TEKT4: variants seen among roughly 807,000 people sequenced by gnomAD.
The protein encoded by TEKT4 is tektin-4.
In TEKT4, 46 loss-of-function variants were observed where a neutral mutation model predicts 46.0. The observed-to-expected ratio is 1.00, with a 90% confidence interval of 0.79 to 1.28. TEKT4 has a LOEUF of 1.28. Among genes scored for constraint, TEKT4 ranks in the 50% most tolerant of loss-of-function variants. The pLI is 0.00. For missense variants in TEKT4, 790 were observed against 622.9 expected (o/e 1.27, Z -2.85); for synonymous variants, 325 against 265.8 (o/e 1.22, Z -2.17).
At chr2:94,875,858 G>A (rs1490653755) in intron 5 of TEKT4, 116 bp downstream of exon 5, 3 of 1,103,578 alleles carry the variant, frequency 2.7e-6, no homozygotes, top group South Asian at 1.5e-5. Context: ...TGCTGAGAGG[G>A]GAGGGAGACT....
Position 94,873,843 on chromosome 2 carries a change from CG to C in TEKT4, c.570-119del, listed in dbSNP as rs1680694427. The C allele has an allele frequency of 1.8e-5, 26 of 1,410,536 alleles. No individual in the cohort carries two copies. In the South Asian group the frequency reaches 3.4e-4, roughly 18 times the overall value. 87.4% of individuals were successfully genotyped at this position (1,410,536 alleles called of 1,614,324 possible). On this transcript the variant is annotated intron_variant, in intron 2 of 5. Coordinates refer to ENST00000295201, the MANE Select transcript of TEKT4 (RefSeq NM_144705.4). Reference sequence around the variant, plus strand: ...GTCACTGCTGAGCACGAGGGCTGCCCGGGACAGGCCCACCCAGAACTCCCTC... The same window carrying C: ...GTCACTGCTGAGCACGAGGGCTGCCCGGACAGGCCCACCCAGAACTCCCTC...
At chr2:94,875,251 A>C (rs573342773) in intron 4 of TEKT4, among the ~76,000 whole-genome samples, 154 of 152,242 alleles carry the variant, frequency 1.0e-3, no homozygotes, top group African/African-American at 3.5e-3. Flanking sequence ...GGAGGTCCCC[A>C]AGAGTCCTGG....
At chr2:94,875,146 G>A in intron 4 of TEKT4, 148 bp downstream of exon 4, 1 of 886,822 alleles carries the variant, frequency 1.1e-6, no homozygotes, top group Non-Finnish European at 1.7e-6. Flanking sequence ...GTGACACTGG[G>A]TATGATCGAC....
chr2:94,876,653 A>G lies in TEKT4; in HGVS notation c.1192A>G (p.Met398Val), dbSNP rs1680869894. The G allele has an allele frequency of 1.2e-6, 2 of 1,613,352 alleles. No homozygotes were observed. The highest frequency in any genetic ancestry group is 1.7e-6 in the Non-Finnish European group (2 of 1,179,962). The change falls in exon 6 of 6, where the codon ATG becomes GTG. Residue 398 changes from methionine (M) to valine (V), a missense_variant. By Grantham distance (21) the Met-to-Val change is conservative (BLOSUM62 1). Transcript: ENST00000295201. ...CCTGCGCAACCTCGAGGACATCCAC[A>G]TGAGCCTGGAGAAGGACATTGCCGC... is the stretch of plus-strand genomic sequence containing the variant. ...QSLRNLEDIH[M>V]SLEKDIAAMT...
chr2:94,874,946 G>A lies in TEKT4; in HGVS notation c.884G>A (p.Arg295His), dbSNP rs369475744. 2.8e-5 allele frequency: 45 copies of A among 1,611,312 alleles called. No individual in the cohort carries two copies. Among genetic ancestry groups the A allele is most frequent in the East Asian group, 1.1e-4 (5 of 44,818 alleles). ...GCCGTGAACCTGGCCTTCGGGCGCC[G>A]CTGTGAGGAGCTGGAGGACGCGCGG... Reference protein sequence around the residue: ...CDAVNLAFGRRCEELEDARYK... With the variant: ...CDAVNLAFGRHCEELEDARYK... Residue 295 changes from arginine to histidine, a missense_variant, in exon 4 of 6, where the codon CGC (arginine) becomes CAC (histidine). By Grantham distance (29) the Arg-to-His change is conservative. Coordinates refer to ENST00000295201, the MANE Select transcript of TEKT4 (RefSeq NM_144705.4).
At chr2:94,873,296 A>G in intron 1 of TEKT4, 1 of 1,400,152 alleles carries the variant, frequency 7.1e-7, no homozygotes, top group Non-Finnish European at 9.3e-7. Flanking sequence ...CCAGCAGCCC[A>G]CAGAAGGCCC....
At position 94,871,434 on chromosome 2, in the gene TEKT4, T is replaced by C; in HGVS notation, c.-146T>C. ...TCTTGGCAACAGGAAGCTCTTGGTTTACACAGTGTCACCCAAGCGACTGGG... is the reference window on the plus strand; with the variant it reads ...TCTTGGCAACAGGAAGCTCTTGGTTCACACAGTGTCACCCAAGCGACTGGG... On this transcript the variant is annotated 5_prime_UTR_variant, in exon 1 of 6. Coordinates refer to ENST00000295201, the MANE Select transcript of TEKT4 (RefSeq NM_144705.4). 9.7e-7 allele frequency: 1 copy of C among 1,034,406 alleles called. No individual in the cohort carries two copies. Among genetic ancestry groups the C allele is most frequent in the Non-Finnish European group, 1.4e-6 (1 of 735,210 alleles). The allele number at this position is 1,034,406 out of a possible 1,614,324, so 64.1% of individuals were successfully genotyped here.
At chr2:94,875,548 C>T (rs1680804877) in intron 4 of TEKT4, 40 bp from the exon 5 acceptor site, 2 of 1,612,334 alleles carry the variant, frequency 1.2e-6, no homozygotes, top group Non-Finnish European at 8.5e-7. Context: ...TATACCCGGG[C>T]ATGGGGGCAC....
In TEKT4 at chr2:94,874,000, A is replaced by C; in HGVS notation, c.605A>C (p.Asp202Ala). The stretch of plus-strand genomic sequence containing the variant: ...GAGCACAAGGAGACCTGCGAGATGG[A>C]CTGGTCAGACAAGATGGAGGCCTAC... ...NREHKETCEMDWSDKMEAYNI... is the reference protein window; with the variant it reads ...NREHKETCEMAWSDKMEAYNI... The change falls in exon 3 of 6, where the codon GAC becomes GCC. Residue 202 changes from aspartate to alanine, a missense_variant. Asp to Ala is a moderately radical substitution (Grantham distance 126). Coordinates refer to ENST00000295201, the MANE Select transcript of TEKT4 (RefSeq NM_144705.4). The C allele has an allele frequency of 6.2e-7, 1 of 1,610,228 alleles. No homozygotes were observed. The highest frequency in any genetic ancestry group is 8.5e-7 in the Non-Finnish European group (1 of 1,178,110).
intron 5 of TEKT4, 76 bp from the exon 6 acceptor site, chr2:94,876,477 T>C: frequency 7.5e-7 from 1 of 1,340,232 alleles, no homozygotes; most frequent in South Asian, 1.3e-5. Context: ...ATTGGGAGTT[T>C]TGGGTCCCCT....
chr2:94,873,531 C>G lies in TEKT4; in HGVS notation c.510C>G (p.Leu170=), dbSNP rs1553395341. 3 of 1,612,446 alleles carry G rather than the reference C, an allele frequency of 1.9e-6. No homozygotes were observed. The Admixed American group carries it at 5.0e-5, about 27-fold the overall frequency. The change falls in exon 2 of 6, where the codon CTC becomes CTG. Residue 170 remains leucine (L), a synonymous_variant. Coordinates refer to ENST00000295201, the MANE Select transcript of TEKT4 (RefSeq NM_144705.4). ...VETELLKEAE[L]IRNIQELLKR... is the part of the protein sequence containing the mutation. The stretch of plus-strand genomic sequence containing the variant: ...GTCTCCTCCCTCAGGAAGCCGAGCT[C>G]ATCCGGAACATTCAGGAGCTGCTGA...
rs782615206 is a variant in TEKT4, at chr2:94,871,560, C to T, written c.-20C>T. 6.3e-7 allele frequency: 1 copy of T among 1,578,726 alleles called. No homozygotes were observed. The highest frequency in any genetic ancestry group is 1.8e-5 in the Admixed American group (1 of 55,520). ...CACACACAGTCCTCACTCCCCTGGCCCTGGTGGGCGGCAGGCACCATGGCG... is the reference window on the plus strand; with the variant it reads ...CACACACAGTCCTCACTCCCCTGGCTCTGGTGGGCGGCAGGCACCATGGCG... On this transcript the variant is annotated 5_prime_UTR_variant, in exon 1 of 6. Transcript: ENST00000295201.
chr2:94,876,632 C>A lies in TEKT4; in HGVS notation c.1171C>A (p.Arg391Ser), dbSNP rs72817671. 35 of 1,612,418 alleles carry A rather than the reference C, an allele frequency of 2.2e-5. No homozygotes were observed. The highest frequency in any genetic ancestry group is 2.9e-5 in the Non-Finnish European group (34 of 1,179,706). Residue 391 changes from arginine (R) to serine (S), a missense_variant, in exon 6 of 6, where the codon CGC (arginine) becomes AGC (serine). Physicochemically the swap from Arg to Ser is moderately radical, Grantham distance 110. Transcript: ENST00000295201. ...EKLLEAEQSL[R>S]NLEDIHMSLE... Reference sequence around the variant, plus strand: ...GCTTCTAGAAGCGGAGCAGTCCCTGCGCAACCTCGAGGACATCCACATGAG... The same window carrying A: ...GCTTCTAGAAGCGGAGCAGTCCCTGAGCAACCTCGAGGACATCCACATGAG...
Position 94,871,473 on chromosome 2 carries a change from T to C in TEKT4, c.-107T>C, listed in dbSNP as rs556124473. The C allele has an allele frequency of 3.0e-5, 41 of 1,382,536 alleles. No individual in the cohort carries two copies. The South Asian group carries it at 5.9e-4, about 20-fold the overall frequency. The allele number at this position is 1,382,536 out of a possible 1,614,324, so 85.6% of individuals were successfully genotyped here. A position where few individuals can be genotyped will look rare whatever the true frequency, so the allele number is the denominator to read the frequency against. On this transcript the variant is annotated 5_prime_UTR_variant, in exon 1 of 6. Transcript: ENST00000295201. ...CAAGCGACTGGGAGCCGCGTCCTGC[T>C]CTGGGACTGAGCCGTTGGAGCTGCC... is the stretch of plus-strand genomic sequence containing the variant.
chr2:94,873,812 C>G (rs1680692780), intron 2 of TEKT4, among the ~76,000 whole-genome samples, 153 bp from the exon 3 acceptor site: 1 of 152,150 alleles, frequency 6.6e-6, no homozygotes, highest in African/African-American at 2.4e-5. Context: ...TGGGCCGCAG[C>G]TCCTGGTCAC....
intron 1 of TEKT4, chr2:94,872,987 C>T: frequency 7.8e-7 from 1 of 1,289,492 alleles, no homozygotes; most frequent in East Asian, 5.5e-5. Context: ...AGGAAGTACC[C>T]AGTGGTTGAG....
At chr2:94,876,298 C>T (rs1472215706) in intron 5 of TEKT4, among the ~76,000 whole-genome samples, 5 of 152,170 alleles carry the variant, frequency 3.3e-5, no homozygotes, top group Admixed American at 6.5e-5. Context: ...TGAGCCTGGT[C>T]GGCTGAGGCC....
Position 94,874,072 on chromosome 2 carries a change from T to G in TEKT4, c.677T>G (p.Val226Gly), listed in dbSNP as rs1553395586. The G allele has an allele frequency of 2.6e-5, 42 of 1,613,486 alleles. No individual in the cohort carries two copies. The highest frequency in any genetic ancestry group is 3.6e-5 in the Non-Finnish European group (42 of 1,179,886). ...CGRHHSQSTEVQAHPYSTTFQ... is the reference protein window; with the variant it reads ...CGRHHSQSTEGQAHPYSTTFQ... ...CGCCACCACAGCCAGAGCACCGAGG[T>G]GCAGGCTCATCCGTACTCCACCACC... is the stretch of plus-strand genomic sequence containing the variant. Residue 226 changes from valine (V) to glycine (G), a missense_variant, in exon 3 of 6, where the codon GTG (valine) becomes GGG (glycine). By Grantham distance (109) the Val-to-Gly change is moderately radical. Coordinates refer to ENST00000295201, the MANE Select transcript of TEKT4 (RefSeq NM_144705.4).
rs782350967 is a variant in TEKT4, at chr2:94,871,865, C to A, written c.286C>A (p.Gln96Lys). 1 of 1,601,534 alleles carries A rather than the reference C, an allele frequency of 6.2e-7. No homozygotes were observed. Among genetic ancestry groups the A allele is most frequent in the South Asian group, 1.1e-5 (1 of 90,304 alleles). ...DSTRTVGERL[Q>K]DTHSWKSELQ... ...CACGCGCACAGTGGGCGAGCGACTG[C>A]AGGACACGCACAGCTGGAAGTCGGA... Residue 96 changes from glutamine (Q) to lysine (K), a missense_variant, in exon 1 of 6, where the codon CAG becomes AAG. Physicochemically the swap from Gln to Lys is moderately conservative, Grantham distance 53. Coordinates refer to ENST00000295201, the MANE Select transcript of TEKT4 (RefSeq NM_144705.4).
Sources: gnomAD v4.1 joint callset for allele counts (sites outside exome capture counted in the v4.1 genomes callset) on GRCh38, gnomAD v4.1.1 for gene constraint, MANE v1.5 for transcripts, NCBI Gene and HGNC (gene_info 2026-07-23, HGNC 2026-07-21) for gene names.